The following DNAJC1 variants were observed in gnomAD, a reference collection of about 807,000 sequenced individuals.
The protein encoded by DNAJC1 is DnaJ heat shock protein family (Hsp40) member C1, also known as dnaJ homolog subfamily C member 1.
DNAJC1 carries 58 observed loss-of-function variants against 76.6 expected under a neutral mutation model. The ratio of observed to expected loss-of-function variants is 0.76; its 90% CI spans 0.61 to 0.94. The LOEUF is 0.94. Ranked by LOEUF, DNAJC1 falls within the 40% of genes least tolerant of loss-of-function variation. DNAJC1 has a pLI of 0.00. For missense variants in DNAJC1, 689 were observed against 677.3 expected (o/e 1.02, Z -0.19); for synonymous variants, 258 against 267.9 (o/e 0.96, Z 0.36).
intron 6 of DNAJC1, among the ~76,000 whole-genome samples, chr10:21,914,827 T>C (rs374058861): frequency 4.5e-4 from 68 of 152,356 alleles, no homozygotes; most frequent in African/African-American, 1.5e-3. Context: ...GTTAAGTGTC[T>C]ATTCATCTTT....
At chr10:21,941,182 T>C (rs1168463667) in intron 1 of DNAJC1, among the ~76,000 whole-genome samples, 1 of 129,364 alleles carries the variant, frequency 7.7e-6, no homozygotes, top group Non-Finnish European at 1.5e-5. Context: ...GGCAGGAGAA[T>C]GGCGGGAACC....
At chr10:21,836,750 A>C (rs1802012141) in intron 8 of DNAJC1, among the ~76,000 whole-genome samples, 1 of 152,184 alleles carries the variant, frequency 6.6e-6, no homozygotes, top group African/African-American at 2.4e-5. Flanking sequence ...CATAATGGTA[A>C]AGGGATCAAT....
chr10:21,980,984 T>C (rs1838146645), intron 1 of DNAJC1, among the ~76,000 whole-genome samples: 1 of 152,108 alleles, frequency 6.6e-6, no homozygotes, highest in African/African-American at 2.4e-5. Flanking sequence ...ACCAGGAGTG[T>C]TTATAATACA....
At chr10:21,860,856 AAC>A in intron 8 of DNAJC1, 1 of 152,336 alleles carries the variant, frequency 6.6e-6, no homozygotes, top group East Asian at 1.9e-4. Flanking sequence ...TGATTAACTT[AAC>A]AAGTACTTAC....
chr10:21,864,131 G>A (rs1210819786), intron 8 of DNAJC1, among the ~76,000 whole-genome samples: 4 of 152,062 alleles, frequency 2.6e-5, no homozygotes, highest in East Asian at 1.9e-4. Flanking sequence ...TACTTAAGGC[G>A]GCAGGATCAT....
intron 6 of DNAJC1, among the ~76,000 whole-genome samples, chr10:21,912,624 T>C (rs1836882384): frequency 6.6e-6 from 1 of 152,164 alleles, no homozygotes; most frequent in Non-Finnish European, 1.5e-5. Flanking sequence ...TGTATGTGTG[T>C]GTGTCTGAAA....
chr10:21,832,678 C>T (rs1465769228), intron 8 of DNAJC1, among the ~76,000 whole-genome samples: 1 of 152,184 alleles, frequency 6.6e-6, no homozygotes, highest in African/African-American at 2.4e-5. Context: ...CTACTTCACT[C>T]AGGAATTTAT....
intron 1 of DNAJC1, among the ~76,000 whole-genome samples, chr10:21,959,899 G>A (rs1837758839): frequency 6.6e-6 from 1 of 151,364 alleles, no homozygotes. Flanking sequence ...AAATTTTGGT[G>A]TCACTTTTGA....
intron 1 of DNAJC1, among the ~76,000 whole-genome samples, chr10:21,993,306 G>T (rs1838357621): frequency 6.6e-6 from 1 of 152,202 alleles, no homozygotes; most frequent in South Asian, 2.1e-4. Flanking sequence ...TGCCTTAGCA[G>T]TGCTTTCCCA....
intron 5 of DNAJC1, 117 bp from the exon 6 acceptor site, chr10:21,918,989 A>C: frequency 1.6e-6 from 1 of 623,234 alleles, no homozygotes; most frequent in Middle Eastern, 2.6e-4. Flanking sequence ...CTACTTCAAC[A>C]AAAAAAATGA....
intron 7 of DNAJC1, among the ~76,000 whole-genome samples, chr10:21,891,899 T>C (rs1440453934): frequency 6.6e-6 from 1 of 152,168 alleles, no homozygotes; most frequent in Admixed American, 6.5e-5. Flanking sequence ...AGTAAAAATA[T>C]GAGTAAACGC....
chr10:21,986,960 G>A (rs972107341), intron 1 of DNAJC1, among the ~76,000 whole-genome samples: 6 of 152,012 alleles, frequency 3.9e-5, no homozygotes, highest in African/African-American at 1.5e-4. Flanking sequence ...TAGAGACGGG[G>A]TTTCACCATG....
intron 9 of DNAJC1, among the ~76,000 whole-genome samples, chr10:21,794,342 C>T (rs1338705453): frequency 7.1e-6 from 1 of 139,914 alleles, no homozygotes; most frequent in Non-Finnish European, 1.6e-5. Context: ...AAAAATAATA[C>T]ATTTAATAAA....
intron 7 of DNAJC1, among the ~76,000 whole-genome samples, chr10:21,882,798 A>G (rs1456756733): frequency 2.0e-5 from 3 of 152,228 alleles, no homozygotes; most frequent in Non-Finnish European, 4.4e-5. Context: ...CAAATAAATT[A>G]ACACTTAGAA....
chr10:21,798,806 T>G (rs886296309), intron 9 of DNAJC1, among the ~76,000 whole-genome samples: 1 of 152,208 alleles, frequency 6.6e-6, no homozygotes, highest in African/African-American at 2.4e-5. Flanking sequence ...GCAACTATCT[T>G]TGCTTGCGTG....
chr10:21,825,419 T>C (rs1051734516), intron 8 of DNAJC1, among the ~76,000 whole-genome samples: 16 of 152,366 alleles, frequency 1.1e-4, no homozygotes, highest in African/African-American at 3.6e-4. Context: ...ATAGCATAGT[T>C]AGTCAATCTA....
rs1391460348 is a variant in DNAJC1 at position 21,908,115 on chromosome 10, TATATATA to T, written c.730-3510_730-3504del. On this transcript the variant is annotated intron_variant, in intron 6 of 11. Transcript: ENST00000376980. ...TAAAATATATATAATATATAAAATA[TATATATA>T]ATATATAATATATAAAAATATATAA... Among the ~76,000 whole-genome samples, 137 of 106,866 alleles carry T rather than the reference TATATATA, an allele frequency of 1.3e-3. 5 individuals carry two copies. The East Asian group carries it at 0.02, about 16-fold the overall frequency. The allele number at this position is 106,866 out of a possible 152,430, so 70.1% of individuals were successfully genotyped here.
At chr10:21,827,531 G>A (rs956826200) in intron 8 of DNAJC1, among the ~76,000 whole-genome samples, 1 of 152,132 alleles carries the variant, frequency 6.6e-6, no homozygotes. Context: ...AGGCTCTGAG[G>A]GAGAATCTGT....
chr10:21,965,151 GTCCC>G (rs1837870841), intron 1 of DNAJC1, among the ~76,000 whole-genome samples: 1 of 151,882 alleles, frequency 6.6e-6, no homozygotes, highest in African/African-American at 2.4e-5. Flanking sequence ...CTATATCTCA[GTCCC>G]TCATGTCTGC....
Sources: gnomAD v4.1 joint callset for allele counts (sites outside exome capture counted in the v4.1 genomes callset) on GRCh38, gnomAD v4.1.1 for gene constraint, MANE v1.5 for transcripts, NCBI Gene and HGNC (gene_info 2026-07-23, HGNC 2026-07-21) for gene names.